TBCA: variants seen among roughly 807,000 people sequenced by gnomAD.
TBCA encodes the protein tubulin folding cofactor A.
Under a neutral mutation model 15.8 loss-of-function variants are expected in TBCA, and 6 were observed. That is an observed-to-expected ratio of 0.38 (90% CI 0.21 to 0.75). The LOEUF is 0.75. Among genes scored for constraint, TBCA ranks in the 30% least tolerant of loss-of-function variants. The probability of loss-of-function intolerance (pLI) is 0.46; values close to 1 mark genes in which losing one functional copy is unlikely to be tolerated. For missense variants in TBCA, 90 were observed against 131.2 expected, an observed-to-expected ratio of 0.69 and a Z score of 1.53; for synonymous variants, 32 against 42.3, an observed-to-expected ratio of 0.76 and a Z score of 0.94.
chr5:77,763,251 AT>A (rs1747688534), intron 1 of TBCA, among the ~76,000 whole-genome samples: 2 of 152,220 alleles, frequency 1.3e-5, no homozygotes, highest in East Asian at 1.9e-4. Context: ...CTCAAAAAAA[AT>A]AAATAAATAA....
chr5:77,712,575 TA>T (rs1022674121), intron 1 of TBCA, among the ~76,000 whole-genome samples: 10 of 152,014 alleles, frequency 6.6e-5, no homozygotes, highest in South Asian at 4.1e-4. Context: ...TAAAAAATTA[TA>T]AAAAAACAAA....
At chr5:77,773,688 G>A (rs1388582140) in intron 1 of TBCA, among the ~76,000 whole-genome samples, 5 of 152,190 alleles carry the variant, frequency 3.3e-5, no homozygotes, top group African/African-American at 1.2e-4. Context: ...GTGGGATGCT[G>A]TGCTAAAACT....
intron 1 of TBCA, among the ~76,000 whole-genome samples, chr5:77,752,960 G>A (rs925568093): frequency 3.3e-5 from 5 of 151,076 alleles, no homozygotes; most frequent in Admixed American, 1.3e-4. Flanking sequence ...CTCAAAGTGC[G>A]GGGATTACAG....
chr5:77,716,836 T>A (rs1164280939), intron 1 of TBCA, among the ~76,000 whole-genome samples: 4 of 152,222 alleles, frequency 2.6e-5, no homozygotes, highest in Non-Finnish European at 5.9e-5. Context: ...GTTTTGCTTA[T>A]GATCAGCCAA....
intron 3 of TBCA, chr5:77,692,308 G>A (rs1016564303): frequency 1.3e-5 from 13 of 985,188 alleles, no homozygotes; most frequent in South Asian, 9.4e-5. Context: ...CAAACTATAC[G>A]TAAGAATTTC....
At chr5:77,734,684 TTGA>T (rs1746855541) in intron 1 of TBCA, among the ~76,000 whole-genome samples, 1 of 152,104 alleles carries the variant, frequency 6.6e-6, no homozygotes, top group Non-Finnish European at 1.5e-5. Flanking sequence ...GTAAACTTAG[TTGA>T]TGAAGCGGTA....
At chr5:77,751,078 T>C (rs555579473) in intron 1 of TBCA, among the ~76,000 whole-genome samples, 4 of 152,094 alleles carry the variant, frequency 2.6e-5, no homozygotes, top group Non-Finnish European at 5.9e-5. Flanking sequence ...TTAAGGTCTG[T>C]TGATGTTAAT....
At chr5:77,748,072 A>T (rs1747230757) in intron 1 of TBCA, among the ~76,000 whole-genome samples, 1 of 152,212 alleles carries the variant, frequency 6.6e-6, no homozygotes, top group Non-Finnish European at 1.5e-5. Flanking sequence ...AGCATAAGCA[A>T]TGGTTATTCT....
intron 1 of TBCA, among the ~76,000 whole-genome samples, chr5:77,754,762 C>T (rs967091876): frequency 3.0e-4 from 45 of 152,008 alleles, no homozygotes; most frequent in Non-Finnish European, 4.9e-4. Flanking sequence ...TTTTTTAAAC[C>T]TTAGAGTATT....
intron 1 of TBCA, among the ~76,000 whole-genome samples, chr5:77,769,669 T>TAAA (rs35108099): frequency 2.0e-5 from 3 of 146,468 alleles, no homozygotes; most frequent in Admixed American, 6.8e-5. Context: ...CTTGCTTTAT[T>TAAA]AAAAAAAAAA....
At chr5:77,742,133 T>G (rs1747051473) in intron 1 of TBCA, among the ~76,000 whole-genome samples, 1 of 152,182 alleles carries the variant, frequency 6.6e-6, no homozygotes. Context: ...CAATCCACAA[T>G]GCTTCTGATT....
intron 1 of TBCA, among the ~76,000 whole-genome samples, chr5:77,770,029 C>T (rs1233614428): frequency 1.3e-5 from 2 of 152,186 alleles, no homozygotes; most frequent in Non-Finnish European, 2.9e-5. Context: ...ACTAGTTTAA[C>T]AGGCTTTATT....
chr5:77,772,054 T>G (rs1747927096), intron 1 of TBCA, among the ~76,000 whole-genome samples: 1 of 150,530 alleles, frequency 6.6e-6, no homozygotes, highest in East Asian at 1.9e-4. Context: ...TTTAAAATAG[T>G]GTCGAGGATA....
chr5:77,721,645 T>C (rs1746532219), intron 1 of TBCA, among the ~76,000 whole-genome samples: 2 of 152,130 alleles, frequency 1.3e-5, no homozygotes. Flanking sequence ...AAAACTACGT[T>C]ATAAGTCCTT....
At chr5:77,699,033 C>CAAAAAAA (rs71608119) in intron 2 of TBCA, among the ~76,000 whole-genome samples, 76 of 70,072 alleles carry the variant, frequency 1.1e-3, no homozygotes, top group East Asian at 3.3e-3. Context: ...GCAAGAGCAT[C>CAAAAAAA]AAAAAAAAAA....
At chr5:77,748,904 G>A (rs1259841877) in intron 1 of TBCA, among the ~76,000 whole-genome samples, 1 of 152,194 alleles carries the variant, frequency 6.6e-6, no homozygotes, top group Non-Finnish European at 1.5e-5. Flanking sequence ...TACATTTACA[G>A]TATTGTACTG....
In TBCA at chr5:77,774,632, T is replaced by C. The variant is rs1747980119; in HGVS notation, c.53+1573A>G. Among the ~76,000 whole-genome samples, 4 of 152,224 alleles carry C rather than the reference T, an allele frequency of 2.6e-5. No individual in the cohort carries two copies. The South Asian group carries it at 6.2e-4, about 24-fold the overall frequency. The stretch of plus-strand genomic sequence containing the variant: ...CCTGCCTTTCCAGATCAAACCAATG[T>C]ACATCGTACATGTATTGATTGATGT... On this transcript the variant is annotated intron_variant, in intron 1 of 3. Coordinates refer to ENST00000380377, the MANE Select transcript of TBCA (RefSeq NM_004607.3).
chr5:77,749,399 G>T (rs775578593), intron 1 of TBCA, among the ~76,000 whole-genome samples: 1 of 152,148 alleles, frequency 6.6e-6, no homozygotes, highest in Admixed American at 6.5e-5. Context: ...GTGTTTATAT[G>T]TTTTGATAAA....
chr5:77,739,430 TA>T (rs1254353225), intron 1 of TBCA, among the ~76,000 whole-genome samples: 1 of 152,274 alleles, frequency 6.6e-6, no homozygotes, highest in Non-Finnish European at 1.5e-5. Flanking sequence ...CACTGCACTC[TA>T]AACAGAGTGA....
Sources: gnomAD v4.1 joint callset for allele counts (sites outside exome capture counted in the v4.1 genomes callset) on GRCh38, gnomAD v4.1.1 for gene constraint, MANE v1.5 for transcripts, NCBI Gene and HGNC (gene_info 2026-07-23, HGNC 2026-07-21) for gene names.